Variants in WWP2 observed in about 807,000 individuals in gnomAD.
WWP2 encodes the protein WW domain containing E3 ubiquitin protein ligase 2, also known as NEDD4-like E3 ubiquitin-protein ligase WWP2.
Under a neutral mutation model 121.0 loss-of-function variants are expected in WWP2, and 57 were observed. The ratio of observed to expected loss-of-function variants is 0.47; its 90% CI spans 0.38 to 0.59. The LOEUF (loss-of-function observed/expected upper bound fraction) is 0.59, where lower values mean the gene tolerates loss of function less well. Ranked by LOEUF, WWP2 falls within the 20% of genes least tolerant of loss-of-function variation. The probability of loss-of-function intolerance (pLI) is 0.00; values close to 1 mark genes in which losing one functional copy is unlikely to be tolerated. For synonymous variants in WWP2, 449 were observed against 441.3 expected (o/e 1.02, Z -0.22); for missense variants, 962 against 1,158.9 (o/e 0.83, Z 2.47).
intron 21 of WWP2, 49 bp from the exon 22 acceptor site, chr16:69,938,978 A>G (rs773383475): frequency 6.8e-5 from 104 of 1,536,012 alleles, no homozygotes; most frequent in Non-Finnish European, 8.2e-5. Context: ...CGGGCAAAGT[A>G]CTGGGCCCCG....
chr16:69,925,628 AC>A lies in WWP2; in HGVS notation c.1234+146del. On this transcript the variant is annotated intron_variant, in intron 11 of 23. Coordinates refer to ENST00000359154, the MANE Select transcript of WWP2 (RefSeq NM_001270454.2). This position sits in a 1 kb window ranked among gnomAD's most constrained non-coding sequence, Gnocchi z 4.0. ...CCAGCACACTCTCTGGGCATGCCCC[AC>A]CAGAGCAATTACAGGTGATGGAGCT... 1 of 1,156,360 alleles carries A rather than the reference AC, an allele frequency of 8.6e-7. No individual in the cohort carries two copies. The highest frequency in any genetic ancestry group is 1.2e-6 in the Non-Finnish European group (1 of 839,984). The allele number at this position is 1,156,360 out of a possible 1,614,324, so 71.6% of individuals were successfully genotyped here. A position where few individuals can be genotyped will look rare whatever the true frequency, so the allele number is the denominator to read the frequency against.
chr16:69,879,752 TG>T (rs1179524264), intron 7 of WWP2, among the ~76,000 whole-genome samples: 3 of 152,204 alleles, frequency 2.0e-5, no homozygotes, highest in African/African-American at 4.8e-5. Context: ...ATTACTATGG[TG>T]ATTTTGTATT....
rs2056113645 is a variant in WWP2 at position 69,799,314 on chromosome 16, G to A, written c.340+19G>A. 1 of 1,607,034 alleles carries A rather than the reference G, an allele frequency of 6.2e-7. No individual in the cohort carries two copies. On this transcript the variant is annotated intron_variant, in intron 4 of 23. Transcript: ENST00000359154. The surrounding 1 kb of genome is among the most constrained non-coding windows in gnomAD (Gnocchi z 4.5). ...GGCAAAAGTACGTATGATGAAGGGG[G>A]TGCCGACGTGATTCTTGGGTGGGGA...
intron 6 of WWP2, among the ~76,000 whole-genome samples, chr16:69,861,645 C>CTT (rs11390043): frequency 0.019 from 2,580 of 136,030 alleles, 64 homozygotes; most frequent in African/African-American, 0.058. Flanking sequence ...CCGCCCTCTC[C>CTT]TTTTTTTTTT....
intron 4 of WWP2, among the ~76,000 whole-genome samples, chr16:69,821,724 C>CTTTT (rs557543615): frequency 1.5e-5 from 2 of 130,796 alleles, no homozygotes; most frequent in East Asian, 2.2e-4. Context: ...TTCTTTCTTA[C>CTTTT]TTTTTTTTTT....
At chr16:69,813,073 C>T (rs1354732132) in intron 4 of WWP2, among the ~76,000 whole-genome samples, 1 of 151,952 alleles carries the variant, frequency 6.6e-6, no homozygotes, top group Non-Finnish European at 1.5e-5. Context: ...TTTCCGTTTT[C>T]ATGTATGCGT....
intron 6 of WWP2, among the ~76,000 whole-genome samples, chr16:69,844,492 A>C (rs2057033970): frequency 6.6e-6 from 1 of 151,294 alleles, no homozygotes; most frequent in Non-Finnish European, 1.5e-5. Flanking sequence ...TGGGGCTCAA[A>C]GTCAGATTCA....
At chr16:69,874,709 T>C (rs1597092497) in intron 7 of WWP2, among the ~76,000 whole-genome samples, 1 of 152,318 alleles carries the variant, frequency 6.6e-6, no homozygotes, top group East Asian at 1.9e-4. Flanking sequence ...TTGAAGACTT[T>C]ACCCCCAAAT....
intron 7 of WWP2, among the ~76,000 whole-genome samples, chr16:69,883,795 T>C (rs1442924566): frequency 6.6e-6 from 1 of 152,152 alleles, no homozygotes; most frequent in African/African-American, 2.4e-5. Context: ...TCAGAGGCTC[T>C]TGGTTAGGCC....
intron 22 of WWP2, 90 bp from the exon 23 acceptor site, chr16:69,939,245 TCCTGGG>T: frequency 6.3e-7 from 1 of 1,575,070 alleles, no homozygotes; most frequent in Non-Finnish European, 8.7e-7. Flanking sequence ...GGCCTCTGCA[TCCTGGG>T]GCCGAGCCCA....
rs10525822 is a variant in WWP2, at chr16:69,866,800, GTATTTATTTATTTATTTATT to G, written c.576-4970_576-4951del. Among the ~76,000 whole-genome samples the G allele has an allele frequency of 1.4e-3, 191 of 139,670 alleles. 2 individuals carry two copies. The highest frequency in any genetic ancestry group is 9.1e-3 in the South Asian group (39 of 4,296). 91.6% of individuals were successfully genotyped at this position (139,670 alleles called of 152,430 possible). Reference sequence around the variant, plus strand: ...CTCCTGAGGTCTTGCTTTCAGTTCCGTATTTATTTATTTATTTATTTATTTATTTATTTATTTATTTATTT... The same window carrying G: ...CTCCTGAGGTCTTGCTTTCAGTTCCGTATTTATTTATTTATTTATTTATTT... On this transcript the variant is annotated intron_variant, in intron 6 of 23. Transcript: ENST00000359154.
intron 6 of WWP2, among the ~76,000 whole-genome samples, chr16:69,853,398 A>G (rs1055930639): frequency 3.3e-5 from 5 of 152,162 alleles, no homozygotes; most frequent in Non-Finnish European, 7.3e-5. Flanking sequence ...GCGATGAGGC[A>G]TGGTGTCTGC....
chr16:69,940,170 C>G lies in WWP2; in HGVS notation c.*230C>G, dbSNP rs2058861643. 1.8e-6 allele frequency: 1 copy of G among 567,098 alleles called. No individual in the cohort carries two copies. Among genetic ancestry groups the G allele is most frequent in the South Asian group, 2.3e-5 (1 of 44,280 alleles). The allele number at this position is 567,098 out of a possible 1,614,324, so 35.1% of individuals were successfully genotyped here. A position where few individuals can be genotyped will look rare whatever the true frequency, so the allele number is the denominator to read the frequency against. Reference sequence around the variant, plus strand: ...AGCCCCCTAGTTGCCTTTGGCCCCACCTTTGCAAAGTTCCAGAGGGCTGAC... The same window carrying G: ...AGCCCCCTAGTTGCCTTTGGCCCCAGCTTTGCAAAGTTCCAGAGGGCTGAC... On this transcript the variant is annotated 3_prime_UTR_variant, in exon 24 of 24. Transcript: ENST00000359154.
chr16:69,818,669 C>T (rs897095949), intron 4 of WWP2, among the ~76,000 whole-genome samples: 1 of 152,108 alleles, frequency 6.6e-6, no homozygotes, highest in Non-Finnish European at 1.5e-5. Context: ...ATCCTTCCTG[C>T]TTGACATATG....
chr16:69,907,101 A>G (rs61664474), intron 8 of WWP2, among the ~76,000 whole-genome samples: 49 of 152,360 alleles, frequency 3.2e-4, no homozygotes, highest in African/African-American at 1.2e-3. Context: ...TTGTGGAAGC[A>G]GGTGTCAGAA....
In WWP2 at chr16:69,936,899, G is replaced by A. The variant is rs891295628; in HGVS notation, c.2118-219G>A. 5 of 571,530 alleles carry A rather than the reference G, an allele frequency of 8.7e-6. No individual in the cohort carries two copies. The Admixed American group carries it at 1.3e-4, about 15-fold the overall frequency. The allele number at this position is 571,530 out of a possible 1,614,324, so 35.4% of individuals were successfully genotyped here. ...TCGGCGCTGGGGGCAGGAGCAGGAG[G>A]AGGTGGTGGTGAGGATGATTTCAAA... On this transcript the variant is annotated intron_variant, in intron 19 of 23. Coordinates refer to ENST00000359154, the MANE Select transcript of WWP2 (RefSeq NM_001270454.2).
intron 10 of WWP2, among the ~76,000 whole-genome samples, chr16:69,921,474 C>T (rs74027707): frequency 0.044 from 6,736 of 152,254 alleles, 215 homozygotes; most frequent in African/African-American, 0.073. Context: ...TCCCAGATTG[C>T]AGTCTCCTGT....
chr16:69,785,279 G>A (rs2055761348), intron 1 of WWP2, among the ~76,000 whole-genome samples: 1 of 151,956 alleles, frequency 6.6e-6, no homozygotes, highest in Non-Finnish European at 1.5e-5. Context: ...ATGGAAGGAG[G>A]GAGGAAGGGG....
intron 8 of WWP2, among the ~76,000 whole-genome samples, chr16:69,892,826 G>T (rs991380346): frequency 6.6e-6 from 1 of 152,164 alleles, no homozygotes; most frequent in Non-Finnish European, 1.5e-5. Context: ...GAGCCACTGC[G>T]CCCGGCCCTG....
Sources: allele counts gnomAD v4.1 joint callset (sites outside exome capture counted in the v4.1 genomes callset), GRCh38; gene constraint gnomAD v4.1.1; non-coding constraint Gnocchi (gnomAD v3.1); transcripts MANE v1.5; gene names NCBI Gene and HGNC (gene_info 2026-07-23, HGNC 2026-07-21).